The following BLTP1 variants were observed in gnomAD, a reference collection of about 807,000 sequenced individuals.
The protein encoded by BLTP1 is bridge-like lipid transfer protein family member 1.
At chr4:122,200,118 TATGTAA>T in the BLTP1 span, 1 of 899,540 alleles carries the variant, frequency 1.1e-6, no homozygotes. Context: ...ACATATGACA[TATGTAA>T]ATTAAGAGAA....
the BLTP1 span, chr4:122,185,976 TA>T: frequency 7.5e-7 from 1 of 1,328,738 alleles, no homozygotes; most frequent in Non-Finnish European, 1.0e-6. Context: ...AATGTTTGAG[TA>T]AAAACTTTGA....
At chr4:122,249,123 C>G in the BLTP1 span, 10 of 835,238 alleles carry the variant, frequency 1.2e-5, no homozygotes, top group Admixed American at 6.2e-5. Flanking sequence ...AATGTTTTTC[C>G]TAAGGCTTGG....
chr4:122,176,641 T>G, the BLTP1 span, among the ~76,000 whole-genome samples: 1 of 152,178 alleles, frequency 6.6e-6, no homozygotes, highest in Non-Finnish European at 1.5e-5. Context: ...AAACAATTTT[T>G]CAGGTAAATT....
chr4:122,245,642 C>T, the BLTP1 span, among the ~76,000 whole-genome samples: 3 of 152,148 alleles, frequency 2.0e-5, no homozygotes, highest in Admixed American at 6.5e-5. Context: ...TATCCCAGTG[C>T]TCTTCCAGAG....
At chr4:122,201,519 A>G in the BLTP1 span, among the ~76,000 whole-genome samples, 1 of 152,160 alleles carries the variant, frequency 6.6e-6, no homozygotes. Context: ...GCTAAATGTT[A>G]TTTTTATACT....
the BLTP1 span, among the ~76,000 whole-genome samples, chr4:122,241,063 G>A: frequency 3.3e-5 from 5 of 152,146 alleles, no homozygotes; most frequent in Admixed American, 6.5e-5. Flanking sequence ...AAAGTGAGAA[G>A]AGTCTATGAT....
chr4:122,244,486 T>G, the BLTP1 span: 71 of 208,942 alleles, frequency 3.4e-4, no homozygotes, highest in East Asian at 0.011. Flanking sequence ...TATGGAGAGC[T>G]GACTGTATAT....
the BLTP1 span, chr4:122,219,127 C>T: frequency 1.5e-5 from 15 of 984,242 alleles, no homozygotes; most frequent in Non-Finnish European, 1.8e-5. Context: ...GGCTCTGTAA[C>T]TTTTTGCATT....
chr4:122,185,039 G>A, the BLTP1 span: 3 of 985,284 alleles, frequency 3.0e-6, no homozygotes, highest in South Asian at 4.7e-5. Flanking sequence ...ATAGCAAAAC[G>A]ATAGAAGACT....
the BLTP1 span, chr4:122,219,269 T>A: frequency 6.4e-7 from 1 of 1,557,146 alleles, no homozygotes; most frequent in Non-Finnish European, 8.7e-7. Context: ...ATTTACAAAT[T>A]TAGGCTCATA....
chr4:122,237,559 C>A, the BLTP1 span: 1 of 480,502 alleles, frequency 2.1e-6, no homozygotes, highest in Non-Finnish European at 2.7e-6. Flanking sequence ...GTTCTTTGTA[C>A]TATTCTTGAA....
the BLTP1 span, among the ~76,000 whole-genome samples, chr4:122,213,491 A>G: frequency 1.3e-5 from 2 of 152,116 alleles, no homozygotes; most frequent in Admixed American, 1.3e-4. Flanking sequence ...TCATGTATAC[A>G]TGAAAAATAA....
At chr4:122,325,883 C>A in the BLTP1 span, 3 of 1,182,534 alleles carry the variant, frequency 2.5e-6, no homozygotes, top group Non-Finnish European at 1.1e-6. Context: ...GGAAGTACAC[C>A]ACAATCCAGC....
At chr4:122,213,599 G>GA in the BLTP1 span, among the ~76,000 whole-genome samples, 1 of 151,400 alleles carries the variant, frequency 6.6e-6, no homozygotes, top group Non-Finnish European at 1.5e-5. Context: ...AATAAACTAG[G>GA]AAAAAAATCA....
the BLTP1 span, chr4:122,348,617 A>G: frequency 6.2e-7 from 1 of 1,610,814 alleles, no homozygotes; most frequent in Non-Finnish European, 8.5e-7. Context: ...CAAAGCAGCA[A>G]GCCAACAAGG....
At chr4:122,348,558 T>C in the BLTP1 span, 3 of 1,580,438 alleles carry the variant, frequency 1.9e-6, no homozygotes, top group African/African-American at 2.7e-5. Flanking sequence ...TTGATTTTTC[T>C]ATTTTTAGAT....
the BLTP1 span, chr4:122,301,004 G>A: frequency 1.0e-6 from 1 of 982,552 alleles, no homozygotes; most frequent in Non-Finnish European, 1.2e-6. Flanking sequence ...GAAGAAATTA[G>A]TCCAGTTTAC....
the BLTP1 span, among the ~76,000 whole-genome samples, chr4:122,361,711 A>C: frequency 7.9e-5 from 12 of 152,232 alleles, no homozygotes; most frequent in Admixed American, 2.0e-4. Flanking sequence ...CATGCTTATG[A>C]AATCTACTAA....
At chr4:122,301,542 A>G in the BLTP1 span, 1 of 465,466 alleles carries the variant, frequency 2.1e-6, no homozygotes, top group Non-Finnish European at 3.8e-6. Flanking sequence ...AAAAGCTTTA[A>G]CAATAATTAT....
Sources: allele counts gnomAD v4.1 joint callset (sites outside exome capture counted in the v4.1 genomes callset), GRCh38; gene constraint gnomAD v4.1.1; transcripts MANE v1.5; gene names NCBI Gene and HGNC (gene_info 2026-07-23, HGNC 2026-07-21).